MS4A13: variants seen among roughly 807,000 people sequenced by gnomAD.
MS4A13 encodes membrane-spanning 4-domains subfamily A member 13.
A neutral mutation model predicts 18.4 loss-of-function variants in MS4A13; 21 were observed. The observed-to-expected ratio is 1.14, with a 90% confidence interval of 0.81 to 1.64. The LOEUF (loss-of-function observed/expected upper bound fraction) is 1.64. MS4A13 is among the 40% of genes most tolerant of loss of function. The pLI is 0.00. For synonymous variants in MS4A13, 62 were observed against 57.2 expected, an observed-to-expected ratio of 1.08 and a Z score of -0.38; for missense variants, 173 against 176.8, an observed-to-expected ratio of 0.98 and a Z score of 0.12.
At chr11:60,518,280 A>G (rs1565209749) in intron 3 of MS4A13, 68 bp downstream of exon 3, 2 of 1,341,326 alleles carry the variant, frequency 1.5e-6, no homozygotes, top group East Asian at 2.5e-5. Flanking sequence ...AGTAGAAGGT[A>G]GGGAACGGTT....
chr11:60,532,609 T>C (rs1207495417), intron 6 of MS4A13, among the ~76,000 whole-genome samples: 4 of 152,032 alleles, frequency 2.6e-5, no homozygotes, highest in African/African-American at 4.8e-5. Context: ...GCGCCCGCCA[T>C]TGCGCAGGCT....
At chr11:60,533,468 G>A (rs2086788175) in intron 6 of MS4A13, among the ~76,000 whole-genome samples, 1 of 102,542 alleles carries the variant, frequency 9.8e-6, no homozygotes, top group African/African-American at 3.9e-5. Flanking sequence ...GGGAAGTTTA[G>A]AGAAAAAAGA....
At chr11:60,539,488 T>C (rs980679618) in intron 6 of MS4A13, among the ~76,000 whole-genome samples, 4 of 151,876 alleles carry the variant, frequency 2.6e-5, no homozygotes, top group African/African-American at 9.7e-5. Context: ...TCAAAATCCT[T>C]TGAGATACCA....
chr11:60,536,974 T>C (rs1404623228), intron 6 of MS4A13, among the ~76,000 whole-genome samples: 1 of 116,860 alleles, frequency 8.6e-6, no homozygotes, highest in Non-Finnish European at 1.7e-5. Flanking sequence ...GCTAGCCATA[T>C]GTAGAAAGCT....
At chr11:60,518,379 A>G (rs902713965) in intron 3 of MS4A13, among the ~76,000 whole-genome samples, 167 bp downstream of exon 3, 2 of 152,196 alleles carry the variant, frequency 1.3e-5, no homozygotes, top group African/African-American at 2.4e-5. Context: ...ACAAATATAT[A>G]TTGAGCACCT....
chr11:60,538,350 G>A (rs956755821), intron 6 of MS4A13, among the ~76,000 whole-genome samples: 61 of 151,668 alleles, frequency 4.0e-4, no homozygotes, highest in Middle Eastern at 3.4e-3. Flanking sequence ...GATCAATTAC[G>A]TAGACTGGGG....
At chr11:60,538,829 G>T (rs963012156) in intron 6 of MS4A13, among the ~76,000 whole-genome samples, 10 of 133,334 alleles carry the variant, frequency 7.5e-5, no homozygotes, top group Non-Finnish European at 1.1e-4. Context: ...CTGGCTGATG[G>T]CAGAAAGGGA....
At chr11:60,538,112 G>T (rs952458188) in intron 6 of MS4A13, among the ~76,000 whole-genome samples, 17 of 147,728 alleles carry the variant, frequency 1.2e-4, no homozygotes, top group Admixed American at 2.8e-4. Context: ...CACCAGCATG[G>T]CACATGTATA....
intron 6 of MS4A13, among the ~76,000 whole-genome samples, chr11:60,530,805 A>G (rs987969904): frequency 6.6e-6 from 1 of 152,180 alleles, no homozygotes; most frequent in African/African-American, 2.4e-5. Context: ...AGTTTTCCCC[A>G]TGCTATTCTC....
At chr11:60,516,647 A>G (rs1217460809) in intron 2 of MS4A13, among the ~76,000 whole-genome samples, 1 of 152,174 alleles carries the variant, frequency 6.6e-6, no homozygotes, top group Non-Finnish European at 1.5e-5. Context: ...AGAATTATGT[A>G]CATGTCACAA....
intron 6 of MS4A13, among the ~76,000 whole-genome samples, chr11:60,529,887 T>C (rs188065545): frequency 6.6e-6 from 1 of 152,344 alleles, no homozygotes; most frequent in Non-Finnish European, 1.5e-5. Flanking sequence ...TTGTTTTTCT[T>C]AGTATTTAGC....
At chr11:60,522,256 A>G (rs56386558) in intron 3 of MS4A13, among the ~76,000 whole-genome samples, 1 of 108,310 alleles carries the variant, frequency 9.2e-6, no homozygotes, top group East Asian at 2.5e-4. Flanking sequence ...ATATATAGAT[A>G]TATACACACA....
At chr11:60,525,142 T>C in intron 4 of MS4A13, 65 bp from the exon 5 acceptor site, 1 of 1,275,192 alleles carries the variant, frequency 7.8e-7, no homozygotes, top group Admixed American at 1.9e-5. Context: ...TTTTCAGCAA[T>C]GCAAACTATT....
intron 4 of MS4A13, among the ~76,000 whole-genome samples, chr11:60,524,426 G>T (rs189913640): frequency 6.6e-6 from 1 of 152,048 alleles, no homozygotes; most frequent in Non-Finnish European, 1.5e-5. Flanking sequence ...GAGCTAAAAC[G>T]TACCTTAGAA....
intron 5 of MS4A13, among the ~76,000 whole-genome samples, chr11:60,527,361 C>CCTCT (rs2086722035): frequency 1.3e-5 from 1 of 77,054 alleles, no homozygotes; most frequent in African/African-American, 5.3e-5. Flanking sequence ...TCATTCATTC[C>CCTCT]GTCTCTCTCT....
Position 60,524,951 on chromosome 11 carries a change from C to T in MS4A13, c.187-256C>T, listed in dbSNP as rs369273589. ...CTGGGATTACAGGCGTGAGCCACTG[C>T]GCCCGGCCCCAAAAAATACAATATG... On this transcript the variant is annotated intron_variant, in intron 4 of 6. Coordinates refer to ENST00000378186, the MANE Select transcript of MS4A13 (RefSeq NM_001012417.3). Among the ~76,000 whole-genome samples, 15 of 152,222 alleles carry T rather than the reference C, an allele frequency of 9.9e-5. No homozygotes were observed. The South Asian group carries it at 2.9e-3, about 29-fold the overall frequency.
At chr11:60,517,949 T>C (rs1240906851) in intron 2 of MS4A13, 123 bp from the exon 3 acceptor site, 12 of 687,022 alleles carry the variant, frequency 1.7e-5, no homozygotes, top group Middle Eastern at 4.1e-4. Context: ...AATACATCAT[T>C]AAGTGCATTG....
intron 3 of MS4A13, among the ~76,000 whole-genome samples, chr11:60,519,696 A>G (rs751911445): frequency 5.3e-5 from 8 of 152,252 alleles, no homozygotes; most frequent in African/African-American, 2.4e-5. Flanking sequence ...AAAAACAATC[A>G]GGATCTTTGT....
At chr11:60,523,607 T>C (rs901482177) in intron 3 of MS4A13, among the ~76,000 whole-genome samples, 2 of 152,180 alleles carry the variant, frequency 1.3e-5, no homozygotes, top group Non-Finnish European at 2.9e-5. Flanking sequence ...CTCATACACA[T>C]AAAAGCAAAC....
Sources: allele counts gnomAD v4.1 joint callset (sites outside exome capture counted in the v4.1 genomes callset), GRCh38; gene constraint gnomAD v4.1.1; transcripts MANE v1.5; gene names NCBI Gene and HGNC (gene_info 2026-07-23, HGNC 2026-07-21).